ASNS: variants seen among roughly 807,000 people sequenced by gnomAD.
ASNS encodes asparagine synthetase (glutamine-hydrolyzing).
In ASNS, 37 loss-of-function variants were observed where a neutral mutation model predicts 62.6. The ratio of observed to expected loss-of-function variants is 0.59; its 90% confidence interval spans 0.45 to 0.78. The LOEUF is 0.78. ASNS is among the 30% of genes least tolerant of loss of function. The pLI, the probability that ASNS is intolerant of heterozygous loss-of-function variation, is 0.00. For synonymous variants in ASNS, 207 were observed against 237.9 expected, an observed-to-expected ratio of 0.87 and a Z score of 1.19; for missense variants, 520 against 682.4, an observed-to-expected ratio of 0.76 and a Z score of 2.65.
chr7:97,856,586 T>C (rs1791443895), intron 8 of ASNS, 104 bp downstream of exon 8: 3 of 1,085,634 alleles, frequency 2.8e-6, no homozygotes, highest in Non-Finnish European at 3.8e-6. Context: ...GCATTCATCC[T>C]TAAATAACAT....
At chr7:97,916,428 G>A in the ASNS span, among the ~76,000 whole-genome samples, 41,183 of 151,834 alleles carry the variant, frequency 0.27, 5,611 homozygotes, top group East Asian at 0.41. Context: ...TGCTAAAGGG[G>A]GAGAAAAGGT....
chr7:97,901,102 C>T, the ASNS span, among the ~76,000 whole-genome samples: 22 of 152,164 alleles, frequency 1.4e-4, no homozygotes, highest in African/African-American at 2.2e-4. Context: ...TTCTAGTAGA[C>T]GCTGCAGGAT....
the ASNS span, among the ~76,000 whole-genome samples, chr7:97,890,483 T>C: frequency 1.3e-5 from 2 of 152,104 alleles, no homozygotes; most frequent in Non-Finnish European, 2.9e-5. Flanking sequence ...AGGGGATTTC[T>C]CAGCAGAAAC....
intron 9 of ASNS, chr7:97,855,089 C>T: frequency 4.9e-6 from 2 of 407,698 alleles, no homozygotes; most frequent in Non-Finnish European, 8.8e-6. Flanking sequence ...GTGATCCTCC[C>T]ACCTCAGCCT....
the ASNS span, among the ~76,000 whole-genome samples, chr7:97,923,865 T>A: frequency 2.0e-5 from 3 of 152,056 alleles, no homozygotes; most frequent in Non-Finnish European, 4.4e-5. Flanking sequence ...ACTCCACACA[T>A]CAACACCGTC....
At chr7:97,879,139 A>G in the ASNS span, among the ~76,000 whole-genome samples, 1 of 152,198 alleles carries the variant, frequency 6.6e-6, no homozygotes, top group East Asian at 1.9e-4. Context: ...TTATACAAAA[A>G]TCAATTCAAG....
the ASNS span, among the ~76,000 whole-genome samples, chr7:97,909,926 A>G: frequency 6.6e-6 from 1 of 152,098 alleles, no homozygotes; most frequent in Admixed American, 6.6e-5. Flanking sequence ...TGGCCTCCCT[A>G]CAGCCTGACT....
At chr7:97,887,883 G>T in the ASNS span, among the ~76,000 whole-genome samples, 2 of 152,180 alleles carry the variant, frequency 1.3e-5, 1 homozygote, top group South Asian at 4.1e-4. Flanking sequence ...TATTTATAAT[G>T]AATATGACTG....
At chr7:97,856,840 T>C in intron 7 of ASNS, 24 bp from the exon 8 acceptor site, 1 of 1,567,226 alleles carries the variant, frequency 6.4e-7, no homozygotes, top group Non-Finnish European at 8.7e-7. Flanking sequence ...GAAATACCCA[T>C]TTACTTGTTA....
At chr7:97,893,705 C>G in the ASNS span, among the ~76,000 whole-genome samples, 1 of 152,208 alleles carries the variant, frequency 6.6e-6, no homozygotes, top group African/African-American at 2.4e-5. Flanking sequence ...GCAACCAACA[C>G]AAGCACATCC....
At chr7:97,862,502 G>A (rs1031407266) in intron 4 of ASNS, among the ~76,000 whole-genome samples, 2 of 152,116 alleles carry the variant, frequency 1.3e-5, no homozygotes, top group Non-Finnish European at 2.9e-5. Flanking sequence ...GAGATTTTTA[G>A]GGCAATGAAA....
At chr7:97,915,498 G>A in the ASNS span, among the ~76,000 whole-genome samples, 1 of 151,914 alleles carries the variant, frequency 6.6e-6, no homozygotes, top group Non-Finnish European at 1.5e-5. Flanking sequence ...TGGCCCTCAC[G>A]GTGACCACAG....
the ASNS span, among the ~76,000 whole-genome samples, chr7:97,922,472 T>C: frequency 6.6e-6 from 1 of 152,144 alleles, no homozygotes; most frequent in Admixed American, 6.5e-5. Context: ...ACACAGAATG[T>C]CATTTTTAGA....
chr7:97,917,371 T>C, the ASNS span, among the ~76,000 whole-genome samples: 1 of 152,198 alleles, frequency 6.6e-6, no homozygotes, highest in African/African-American at 2.4e-5. Context: ...CACAAGCCCA[T>C]ATGCCTTACA....
At chr7:97,924,197 T>G in the ASNS span, among the ~76,000 whole-genome samples, 1 of 152,154 alleles carries the variant, frequency 6.6e-6, no homozygotes, top group African/African-American at 2.4e-5. Flanking sequence ...ATGTCCAGTG[T>G]GTACCCTGCC....
chr7:97,867,223 TTTCA>T (rs1792024197), intron 3 of ASNS, among the ~76,000 whole-genome samples: 2 of 149,684 alleles, frequency 1.3e-5, no homozygotes, highest in African/African-American at 4.8e-5. Context: ...TCCTCCTTTC[TTTCA>T]TTCAGTCTCC....
At chr7:97,865,612 T>C (rs1235315238) in intron 3 of ASNS, among the ~76,000 whole-genome samples, 1 of 152,228 alleles carries the variant, frequency 6.6e-6, no homozygotes, top group East Asian at 1.9e-4. Flanking sequence ...TATACTACAG[T>C]CCAGTTTCTC....
At chr7:97,884,356 C>G in the ASNS span, among the ~76,000 whole-genome samples, 1 of 152,190 alleles carries the variant, frequency 6.6e-6, no homozygotes, top group Non-Finnish European at 1.5e-5. Flanking sequence ...CGAGATCAGC[C>G]TGGTCAACAT....
intron 3 of ASNS, among the ~76,000 whole-genome samples, chr7:97,864,974 A>G (rs1791896809): frequency 1.3e-5 from 2 of 152,222 alleles, no homozygotes; most frequent in African/African-American, 4.8e-5. Context: ...TATCTTATAC[A>G]CAAAACCTAA....
Sources: gnomAD v4.1 joint callset for allele counts (sites outside exome capture counted in the v4.1 genomes callset) on GRCh38, gnomAD v4.1.1 for gene constraint, MANE v1.5 for transcripts, NCBI Gene and HGNC (gene_info 2026-07-23, HGNC 2026-07-21) for gene names.